Variants in LMTK2 observed in about 807,000 individuals in gnomAD.
LMTK2 encodes lemur tail kinase 2, also known as serine/threonine-protein kinase LMTK2.
In LMTK2, 37 loss-of-function variants were observed where a neutral mutation model predicts 127.5. The ratio of observed to expected loss-of-function variants is 0.29; its 90% CI spans 0.22 to 0.38. The LOEUF (loss-of-function observed/expected upper bound fraction) is 0.38, where lower values mean the gene tolerates loss of function less well. Ranked by LOEUF, LMTK2 falls within the 10% of genes least tolerant of loss-of-function variation. LMTK2 has a pLI of 1.00. For missense variants in LMTK2, 1,694 were observed against 1,920.3 expected (o/e 0.88, Z 2.20); for synonymous variants, 819 against 810.1 (o/e 1.01, Z -0.19).
At chr7:98,165,517 A>G (rs940404106) in intron 6 of LMTK2, among the ~76,000 whole-genome samples, 2 of 152,238 alleles carry the variant, frequency 1.3e-5, no homozygotes, top group African/African-American at 4.8e-5. Context: ...GGGTCTCACT[A>G]TATTGCCCAG....
At chr7:98,114,588 T>G (rs933137962) in intron 1 of LMTK2, among the ~76,000 whole-genome samples, 1 of 152,136 alleles carries the variant, frequency 6.6e-6, no homozygotes, top group Non-Finnish European at 1.5e-5. Context: ...CAGGTCAAAT[T>G]AGGTGTGCAG....
chr7:98,208,788 G>A lies in LMTK2; in HGVS notation c.*3296G>A, dbSNP rs949632161. On this transcript the variant is annotated 3_prime_UTR_variant, in exon 14 of 14. Coordinates refer to ENST00000297293, the MANE Select transcript of LMTK2 (RefSeq NM_014916.4). Reference sequence around the variant, plus strand: ...AGGGTGCAGAAAGCTCGACCAAGCCGAATTGCAAACAACGTTCGTTCTATT... The same window carrying A: ...AGGGTGCAGAAAGCTCGACCAAGCCAAATTGCAAACAACGTTCGTTCTATT... 5.3e-5 allele frequency: 8 copies of A among 152,342 alleles called. No homozygotes were observed. The highest frequency in any genetic ancestry group is 1.9e-4 in the East Asian group (1 of 5,188). The allele number at this position is 152,342 out of a possible 1,614,324, so 9.4% of individuals were successfully genotyped here.
chr7:98,113,720 T>G (rs1174566754), intron 1 of LMTK2, among the ~76,000 whole-genome samples: 3 of 152,236 alleles, frequency 2.0e-5, no homozygotes, highest in African/African-American at 7.2e-5. Flanking sequence ...GGATTTTAGA[T>G]TCCATTATCA....
In LMTK2 at chr7:98,194,226, C is replaced by T. The variant is rs1156560239; in HGVS notation, c.3761C>T (p.Pro1254Leu). 6 of 1,613,904 alleles carry T rather than the reference C, an allele frequency of 3.7e-6. No homozygotes were observed. In the Admixed American group the frequency reaches 5.0e-5, roughly 13 times the overall value. Residue 1254 changes from proline (P) to leucine (L), a missense_variant, in exon 11 of 14, where the codon CCG becomes CTG. Transcript: ENST00000297293. The surrounding 1 kb of genome is among the most constrained non-coding windows in gnomAD (Gnocchi z 5.4). ...DKSLSSHSEG[P>L]KLKEPDIEGK... Reference sequence around the variant, plus strand: ...TCCCTGTCCAGCCACTCCGAGGGCCCGAAGTTGAAGGAGCCGGACATCGAA... The same window carrying T: ...TCCCTGTCCAGCCACTCCGAGGGCCTGAAGTTGAAGGAGCCGGACATCGAA...
chr7:98,133,309 A>G (rs954433879), intron 1 of LMTK2, among the ~76,000 whole-genome samples: 1 of 152,016 alleles, frequency 6.6e-6, no homozygotes, highest in Non-Finnish European at 1.5e-5. Flanking sequence ...GCCTTTCTTT[A>G]TCAGGTTCTA....
At chr7:98,158,612 T>TA (rs56665695) in intron 5 of LMTK2, among the ~76,000 whole-genome samples, 8 of 151,890 alleles carry the variant, frequency 5.3e-5, no homozygotes, top group Non-Finnish European at 7.4e-5. Flanking sequence ...AATGCAGTAG[T>TA]AAAAAAAATA....
intron 1 of LMTK2, among the ~76,000 whole-genome samples, chr7:98,132,312 G>C (rs1041080192): frequency 6.6e-6 from 1 of 151,926 alleles, no homozygotes; most frequent in South Asian, 2.1e-4. Flanking sequence ...GTGCAGTGGC[G>C]CAATTTTGGC....
chr7:98,205,599 T>C lies in LMTK2; in HGVS notation c.*107T>C. 1.6e-6 allele frequency: 2 copies of C among 1,227,020 alleles called. No individual in the cohort carries two copies. The highest frequency in any genetic ancestry group is 1.2e-5 in the South Asian group (1 of 80,172). 76.0% of individuals were successfully genotyped at this position (1,227,020 alleles called of 1,614,324 possible). A position where few individuals can be genotyped will look rare whatever the true frequency, so the allele number is the denominator to read the frequency against. The stretch of plus-strand genomic sequence containing the variant: ...CCACTCGCCATTTGCTGACATGAGA[T>C]TGGGAGGAAGAATCCAGAGGTGAAG... On this transcript the variant is annotated 3_prime_UTR_variant, in exon 14 of 14. Coordinates refer to ENST00000297293, the MANE Select transcript of LMTK2 (RefSeq NM_014916.4).
At chr7:98,173,369 A>G (rs1010663421) in intron 7 of LMTK2, among the ~76,000 whole-genome samples, 2 of 151,944 alleles carry the variant, frequency 1.3e-5, no homozygotes, top group African/African-American at 2.4e-5. Context: ...AGAATCCCTT[A>G]TATGAAGCTT....
Position 98,135,408 on chromosome 7 carries a change from G to A in LMTK2, c.104-1907G>A, listed in dbSNP as rs186478282. ...GCTCACTGCAGCCTCCTCCTCCTGG[G>A]CTGAAGCCATCCTCCCACTCAGGCT... On this transcript the variant is annotated intron_variant, in intron 1 of 13. Transcript: ENST00000297293. Among the ~76,000 whole-genome samples the A allele has an allele frequency of 3.5e-3, 537 of 152,154 alleles. 2 individuals are homozygous for A. The highest frequency in any genetic ancestry group is 5.7e-3 in the Non-Finnish European group (386 of 67,994).
chr7:98,198,548 A>G (rs1797664665), intron 11 of LMTK2, among the ~76,000 whole-genome samples: 1 of 151,972 alleles, frequency 6.6e-6, no homozygotes, highest in African/African-American at 2.4e-5. Flanking sequence ...GTAGTGCAGT[A>G]GTGCGATCTC....
At chr7:98,161,498 C>G (rs901977427) in intron 6 of LMTK2, among the ~76,000 whole-genome samples, 1 of 152,016 alleles carries the variant, frequency 6.6e-6, no homozygotes, top group Non-Finnish European at 1.5e-5. Context: ...TCAGTGTGCT[C>G]GTTGTCCTCC....
At chr7:98,111,918 C>A (rs1196249902) in intron 1 of LMTK2, among the ~76,000 whole-genome samples, 4 of 152,164 alleles carry the variant, frequency 2.6e-5, no homozygotes, top group Admixed American at 2.6e-4. Flanking sequence ...GAGAACTATG[C>A]TGGAAATTTT....
intron 2 of LMTK2, among the ~76,000 whole-genome samples, chr7:98,139,630 AGTTAC>A (rs1796648334): frequency 6.6e-6 from 1 of 152,248 alleles, no homozygotes; most frequent in Admixed American, 6.5e-5. Flanking sequence ...CCCAGATTGA[AGTTAC>A]GGTACCTCAT....
At chr7:98,184,185 A>G (rs1441202230) in intron 7 of LMTK2, among the ~76,000 whole-genome samples, 1 of 152,150 alleles carries the variant, frequency 6.6e-6, no homozygotes, top group Non-Finnish European at 1.5e-5. Context: ...GAAGTTGTGC[A>G]CGTGTTCACT....
rs1304387536 is a variant in LMTK2 at position 98,207,238 on chromosome 7, T to C, written c.*1746T>C. 2 of 152,178 alleles carry C rather than the reference T, an allele frequency of 1.3e-5. No individual in the cohort carries two copies. The highest frequency in any genetic ancestry group is 1.5e-5 in the Non-Finnish European group (1 of 68,076). 9.4% of individuals were successfully genotyped at this position (152,178 alleles called of 1,614,324 possible). On this transcript the variant is annotated 3_prime_UTR_variant, in exon 14 of 14. Transcript: ENST00000297293. ...TTCCAGACTCCAGCGCAACCTGGGG[T>C]GCTCTCCAGACCCGTGCAGGGGCCG...
At chr7:98,186,439 A>G (rs1797435453) in intron 8 of LMTK2, among the ~76,000 whole-genome samples, 2 of 152,142 alleles carry the variant, frequency 1.3e-5, no homozygotes, top group South Asian at 4.1e-4. Flanking sequence ...AAAACTTCAC[A>G]AAGTTGTTGC....
intron 1 of LMTK2, among the ~76,000 whole-genome samples, chr7:98,111,386 T>C (rs140263857): frequency 3.7e-4 from 57 of 152,358 alleles, no homozygotes; most frequent in African/African-American, 1.3e-3. Context: ...AAAAAAGTTC[T>C]TGTAAATGGA....
intron 1 of LMTK2, among the ~76,000 whole-genome samples, chr7:98,128,258 G>A (rs935390315): frequency 6.6e-6 from 1 of 152,202 alleles, no homozygotes; most frequent in African/African-American, 2.4e-5. Flanking sequence ...ACTGTATTTG[G>A]AGATAGGCCT....
Sources: allele counts gnomAD v4.1 joint callset (sites outside exome capture counted in the v4.1 genomes callset), GRCh38; gene constraint gnomAD v4.1.1; non-coding constraint Gnocchi (gnomAD v3.1); transcripts MANE v1.5; gene names NCBI Gene and HGNC (gene_info 2026-07-23, HGNC 2026-07-21).